The following DISC1 variants were observed in gnomAD, a reference collection of about 807,000 sequenced individuals.
DISC1 encodes DISC1 scaffold protein, also known as disrupted in schizophrenia 1 protein.
DISC1 carries 57 observed loss-of-function variants against 84.5 expected under a neutral mutation model. The ratio of observed to expected loss-of-function variants is 0.67; its 90% CI spans 0.55 to 0.84. The LOEUF (loss-of-function observed/expected upper bound fraction) is 0.84. Among genes scored for constraint, DISC1 ranks in the 40% least tolerant of loss-of-function variants. The pLI is 0.00. For missense variants in DISC1, 1,000 were observed against 1,057.8 expected, an observed-to-expected ratio of 0.95 and a Z score of 0.76; for synonymous variants, 411 against 415.2, an observed-to-expected ratio of 0.99 and a Z score of 0.12.
chr1:231,798,688 G>A (rs975028517), intron 7 of DISC1, among the ~76,000 whole-genome samples: 3 of 152,068 alleles, frequency 2.0e-5, no homozygotes, highest in Non-Finnish European at 2.9e-5. Context: ...AAGGGTCTCG[G>A]AATTAATTAC....
intron 3 of DISC1, among the ~76,000 whole-genome samples, chr1:231,737,082 C>G (rs775141433): frequency 2.0e-5 from 3 of 152,166 alleles, no homozygotes; most frequent in Non-Finnish European, 4.4e-5. Context: ...TGAGCATTGA[C>G]CTTCAATTAA....
chr1:231,807,191 A>G (rs1407212605), intron 8 of DISC1, among the ~76,000 whole-genome samples: 1 of 152,134 alleles, frequency 6.6e-6, no homozygotes, highest in African/African-American at 2.4e-5. Context: ...CCCTACCTCT[A>G]TCGGTGCTCG....
chr1:231,711,859 A>G (rs2067894944), intron 3 of DISC1, among the ~76,000 whole-genome samples: 1 of 152,180 alleles, frequency 6.6e-6, no homozygotes. Flanking sequence ...TGGTAGGCTG[A>G]ATGATACCCA....
rs968230452 is a variant in DISC1, at chr1:231,954,212, G to T, written c.1982-4616G>T. Reference sequence around the variant, plus strand: ...TGCTGTGCACTCCAGTGAGAAATCAGTGTTAAAGAGGCTGGTCCCACAGCT... The same window carrying T: ...TGCTGTGCACTCCAGTGAGAAATCATTGTTAAAGAGGCTGGTCCCACAGCT... On this transcript the variant is annotated intron_variant, in intron 9 of 12. Coordinates refer to ENST00000439617, the MANE Select transcript of DISC1 (RefSeq NM_018662.3). The surrounding 1 kb of genome is among the most constrained non-coding windows in gnomAD (Gnocchi z 4.8). Among the ~76,000 whole-genome samples the T allele has an allele frequency of 6.6e-6, 1 of 152,158 alleles. No homozygotes were observed. The highest frequency in any genetic ancestry group is 1.5e-5 in the Non-Finnish European group (1 of 68,030).
intron 9 of DISC1, among the ~76,000 whole-genome samples, chr1:231,853,532 G>A (rs1293855229): frequency 1.3e-5 from 2 of 152,188 alleles, no homozygotes; most frequent in African/African-American, 2.4e-5. Flanking sequence ...TAATCTTAGG[G>A]GACCACCATC....
chr1:231,946,326 T>C (rs1169073886), intron 9 of DISC1, among the ~76,000 whole-genome samples: 2 of 152,186 alleles, frequency 1.3e-5, no homozygotes, highest in Non-Finnish European at 2.9e-5. Flanking sequence ...TCAATAAACA[T>C]AATCCATCAC....
intron 6 of DISC1, among the ~76,000 whole-genome samples, chr1:231,783,194 G>C (rs1391548874): frequency 6.6e-6 from 1 of 152,146 alleles, no homozygotes; most frequent in Non-Finnish European, 1.5e-5. Flanking sequence ...GTGGGGGAAA[G>C]CTCTAGAGCC....
chr1:231,650,842 A>G (rs2060557276), intron 1 of DISC1, among the ~76,000 whole-genome samples: 1 of 151,946 alleles, frequency 6.6e-6, no homozygotes, highest in Non-Finnish European at 1.5e-5. Flanking sequence ...CCTTTCTTCC[A>G]CTTGGTCAAA....
intron 9 of DISC1, among the ~76,000 whole-genome samples, chr1:231,875,043 A>G (rs2085773274): frequency 6.6e-6 from 1 of 152,166 alleles, no homozygotes; most frequent in African/African-American, 2.4e-5. Context: ...GAGCATCATC[A>G]GGATGTGGCC....
At chr1:232,006,711 T>A (rs112759387) in intron 10 of DISC1, among the ~76,000 whole-genome samples, 9,642 of 152,262 alleles carry the variant, frequency 0.063, 425 homozygotes, top group Non-Finnish European at 0.097. Context: ...AAATTCCATT[T>A]TCTGAGGAGA....
chr1:232,028,043 A>G (rs183170318), intron 12 of DISC1, among the ~76,000 whole-genome samples: 4 of 152,350 alleles, frequency 2.6e-5, no homozygotes, highest in African/African-American at 7.2e-5. Context: ...TCTGTTCTTC[A>G]TAATTTCCTG....
chr1:231,632,505 A>G (rs2058801464), intron 1 of DISC1, among the ~76,000 whole-genome samples: 1 of 152,346 alleles, frequency 6.6e-6, no homozygotes, highest in East Asian at 1.9e-4. Flanking sequence ...AGGAATGGCA[A>G]TCTCTGAAGA....
Position 231,919,307 on chromosome 1 carries a change from T to G in DISC1, c.1982-39521T>G, listed in dbSNP as rs527297828. Among the ~76,000 whole-genome samples, 4 of 152,360 alleles carry G rather than the reference T, an allele frequency of 2.6e-5. No individual in the cohort carries two copies. In the South Asian group the frequency reaches 8.3e-4, roughly 32 times the overall value. On this transcript the variant is annotated intron_variant, in intron 9 of 12. Coordinates refer to ENST00000439617, the MANE Select transcript of DISC1 (RefSeq NM_018662.3). ...TTAAGTCAGCATTAATGAAACACCA[T>G]TCATTTGTGTTATCAGCTGTAATAG...
intron 10 of DISC1, among the ~76,000 whole-genome samples, chr1:232,008,543 T>C (rs1220320123): frequency 6.6e-6 from 1 of 152,152 alleles, no homozygotes; most frequent in African/African-American, 2.4e-5. Context: ...GAAAAATACA[T>C]AGGATTTTGG....
At chr1:231,643,444 C>T (rs199640350) in intron 1 of DISC1, among the ~76,000 whole-genome samples, 54 of 152,198 alleles carry the variant, frequency 3.5e-4, no homozygotes, top group Non-Finnish European at 7.2e-4. Flanking sequence ...GGGGGCCTTC[C>T]CCGGGACGCT....
intron 9 of DISC1, among the ~76,000 whole-genome samples, chr1:231,859,424 GC>G (rs889555423): frequency 4.6e-5 from 7 of 152,182 alleles, no homozygotes; most frequent in Admixed American, 1.3e-4. Context: ...CATAGATGGT[GC>G]CTTTTCAATA....
intron 1 of DISC1, among the ~76,000 whole-genome samples, chr1:231,634,266 T>A (rs2059003390): frequency 6.6e-6 from 1 of 152,134 alleles, no homozygotes; most frequent in Admixed American, 6.6e-5. Context: ...GTTTTGCATT[T>A]GTAGTGAAAG....
chr1:232,016,751 A>G (rs1475515), intron 11 of DISC1, among the ~76,000 whole-genome samples: 5,927 of 152,328 alleles, frequency 0.039, 316 homozygotes, highest in African/African-American at 0.13. Flanking sequence ...AAGCATGCAG[A>G]TACTTGAAGA....
intron 1 of DISC1, among the ~76,000 whole-genome samples, chr1:231,687,904 T>TA (rs1029082054): frequency 6.6e-6 from 1 of 151,990 alleles, no homozygotes; most frequent in Non-Finnish European, 1.5e-5. Flanking sequence ...CACTGAATGA[T>TA]ACATTGAAAC....
Sources: allele counts gnomAD v4.1 joint callset (sites outside exome capture counted in the v4.1 genomes callset), GRCh38; gene constraint gnomAD v4.1.1; non-coding constraint Gnocchi (gnomAD v3.1); transcripts MANE v1.5; gene names NCBI Gene and HGNC (gene_info 2026-07-23, HGNC 2026-07-21).